ERAP1: variants seen among roughly 807,000 people sequenced by gnomAD.
ERAP1 encodes the protein adipocyte-derived leucine aminopeptidase.
A neutral mutation model predicts 103.7 loss-of-function variants in ERAP1; 86 were observed. The ratio of observed to expected loss-of-function variants is 0.83; its 90% CI spans 0.70 to 0.99. The LOEUF (loss-of-function observed/expected upper bound fraction) is 0.99. Among genes scored for constraint, ERAP1 ranks in the 50% least tolerant of loss-of-function variants. ERAP1 has a pLI of 0.00. For missense variants in ERAP1, 1,009 were observed against 1,128.4 expected (o/e 0.89, Z 1.52); for synonymous variants, 398 against 402.4 (o/e 0.99, Z 0.13).
chr5:96,788,503 A>T (rs770181846), intron 11 of ERAP1, 28 bp downstream of exon 11: 21 of 1,613,350 alleles, frequency 1.3e-5, no homozygotes, highest in Middle Eastern at 1.7e-4. Flanking sequence ...CCTAGACAAC[A>T]AAACAAATTT....
chr5:96,762,833 A>G (rs1025883406), exon 20 of ERAP1: 2 of 321,032 alleles, frequency 6.2e-6, no homozygotes, highest in African/African-American at 2.1e-5. Context: ...ATGGAATAGC[A>G]TTGTTTTCTT....
At chr5:96,881,512 G>A in the ERAP1 span, 10 of 455,498 alleles carry the variant, frequency 2.2e-5, no homozygotes, top group Admixed American at 7.1e-5. Flanking sequence ...GCACTCTCAC[G>A]TTATGTGAAT....
At chr5:96,767,781 T>A (rs1011494176) in intron 19 of ERAP1, 1 of 649,626 alleles carries the variant, frequency 1.5e-6, no homozygotes, top group Non-Finnish European at 2.7e-6. Flanking sequence ...TTATTATTAA[T>A]AAAGAATGTC....
At chr5:96,858,236 A>G in the ERAP1 span, among the ~76,000 whole-genome samples, 10 of 103,332 alleles carry the variant, frequency 9.7e-5, no homozygotes, top group Non-Finnish European at 1.6e-4. Flanking sequence ...TTTTTTTTTG[A>G]TGGAGTTTCG....
the ERAP1 span, among the ~76,000 whole-genome samples, chr5:96,834,738 T>C: frequency 6.6e-6 from 1 of 152,188 alleles, no homozygotes; most frequent in African/African-American, 2.4e-5. Flanking sequence ...CTGGAAGTGT[T>C]TGATGCTGTG....
the ERAP1 span, among the ~76,000 whole-genome samples, chr5:96,833,794 A>G: frequency 7.6e-5 from 4 of 52,658 alleles, no homozygotes; most frequent in African/African-American, 1.6e-4. Flanking sequence ...AAGGCTCGGA[A>G]AAAAAAAAAA....
At chr5:96,891,933 A>G in the ERAP1 span, among the ~76,000 whole-genome samples, 1 of 152,122 alleles carries the variant, frequency 6.6e-6, no homozygotes, top group Non-Finnish European at 1.5e-5. Context: ...ATTATTTGAT[A>G]CCCTTTTTAA....
chr5:96,762,053 TAATC>T, exon 20 of ERAP1: 1 of 379,888 alleles, frequency 2.6e-6, no homozygotes, highest in Non-Finnish European at 4.7e-6. Context: ...GTATTTAGAA[TAATC>T]AATATGAGAA....
At position 96,774,500 on chromosome 5, in the gene ERAP1, ATTT is replaced by A. The variant is rs552063749; in HGVS notation, c.*1893_*1895del. On this transcript the variant is annotated 3_prime_UTR_variant, in exon 19 of 19. Transcript: ENST00000443439. ...AATATCCACTTAGAGGCAAAGAACA[ATTT>A]TTTATTATCAAAAAGGTTTCTGCAC... 1 of 983,770 alleles carries A rather than the reference ATTT, an allele frequency of 1.0e-6. No individual in the cohort carries two copies. The highest frequency in any genetic ancestry group is 1.2e-6 in the Non-Finnish European group (1 of 827,212). 60.9% of individuals were successfully genotyped at this position (983,770 alleles called of 1,614,324 possible).
the ERAP1 span, chr5:96,879,830 G>A: frequency 6.2e-7 from 1 of 1,614,086 alleles, no homozygotes; most frequent in Admixed American, 1.7e-5. Context: ...CTTCACTGAG[G>A]ATCCTGGGGC....
At chr5:96,917,498 T>C in the ERAP1 span, 5 of 1,613,478 alleles carry the variant, frequency 3.1e-6, no homozygotes, top group African/African-American at 1.3e-5. Context: ...GGCTCAAGGA[T>C]CACATCTGGA....
At chr5:96,932,935 T>C in the ERAP1 span, among the ~76,000 whole-genome samples, 1 of 152,184 alleles carries the variant, frequency 6.6e-6, no homozygotes, top group East Asian at 1.9e-4. Context: ...TCTCCTTTGA[T>C]AATGAATCGT....
At chr5:96,865,095 A>G in the ERAP1 span, among the ~76,000 whole-genome samples, 1 of 152,156 alleles carries the variant, frequency 6.6e-6, no homozygotes, top group African/African-American at 2.4e-5. Context: ...ACTACAATTG[A>G]AGTGATGGGA....
At position 96,781,675 on chromosome 5, in the gene ERAP1, A is replaced by T; in HGVS notation, c.2447+18T>A. On this transcript the variant is annotated intron_variant, in intron 16 of 18. Coordinates refer to ENST00000443439, the MANE Select transcript of ERAP1 (RefSeq NM_001040458.3). ...AATTTCCCTTGGCCACATGAACATG[A>T]ATGAATGACGGACTCACCATTGAAG... 1 of 1,614,028 alleles carries T rather than the reference A, an allele frequency of 6.2e-7. No individual in the cohort carries two copies. The highest frequency in any genetic ancestry group is 1.1e-5 in the South Asian group (1 of 91,082).
At chr5:96,818,532 A>C in the ERAP1 span, among the ~76,000 whole-genome samples, 1 of 147,114 alleles carries the variant, frequency 6.8e-6, no homozygotes, top group East Asian at 2.0e-4. Context: ...AACCCCAAAG[A>C]AGAAAGAAAA....
the ERAP1 span, among the ~76,000 whole-genome samples, chr5:96,920,428 G>A: frequency 5.9e-5 from 9 of 152,270 alleles, no homozygotes; most frequent in South Asian, 1.9e-3. Context: ...TAGATGAGCA[G>A]AACTGGCCAG....
the ERAP1 span, among the ~76,000 whole-genome samples, chr5:96,816,908 C>A: frequency 1.3e-5 from 2 of 152,172 alleles, no homozygotes; most frequent in Non-Finnish European, 2.9e-5. Flanking sequence ...AGACCCCGGA[C>A]CTCACCAAAC....
chr5:96,909,096 A>C, the ERAP1 span: 1 of 1,614,030 alleles, frequency 6.2e-7, no homozygotes, highest in African/African-American at 1.3e-5. Flanking sequence ...GGAATATTTC[A>C]GATATCTCTG....
intron 3 of ERAP1, among the ~76,000 whole-genome samples, chr5:96,798,532 G>A (rs30333): frequency 0.14 from 21,735 of 151,528 alleles, 1,754 homozygotes; most frequent in African/African-American, 0.22. Context: ...CCATGGTCAC[G>A]GGCATTTTTC....
Sources: allele counts gnomAD v4.1 joint callset (sites outside exome capture counted in the v4.1 genomes callset), GRCh38; gene constraint gnomAD v4.1.1; transcripts MANE v1.5; gene names NCBI Gene and HGNC (gene_info 2026-07-23, HGNC 2026-07-21).